YTHDC2: variants seen among roughly 807,000 people sequenced by gnomAD.
YTHDC2 encodes the protein YTH N6-methyladenosine RNA binding protein C2.
In YTHDC2, 45 loss-of-function variants were observed where a neutral mutation model predicts 174.9. The ratio of observed to expected loss-of-function variants is 0.26; its 90% CI spans 0.20 to 0.33. The LOEUF is 0.33. Among genes scored for constraint, YTHDC2 ranks in the 10% least tolerant of loss-of-function variants. The pLI is 1.00. For synonymous variants in YTHDC2, 657 were observed against 574.5 expected, an observed-to-expected ratio of 1.14 and a Z score of -2.05; for missense variants, 1,650 against 1,723.7, an observed-to-expected ratio of 0.96 and a Z score of 0.76.
chr5:113,533,337 GTTC>G (rs551375446), intron 5 of YTHDC2, among the ~76,000 whole-genome samples: 4,723 of 152,008 alleles, frequency 0.031, 89 homozygotes, highest in African/African-American at 0.053. Context: ...GCGGTCAGGA[GTTC>G]GAGACCAGCC....
At chr5:113,553,904 T>G in intron 15 of YTHDC2, 38 bp from the exon 16 acceptor site, 1 of 1,583,146 alleles carries the variant, frequency 6.3e-7, no homozygotes, top group Non-Finnish European at 8.5e-7. Flanking sequence ...TTATTTTTTC[T>G]GTTTTTTTAT....
chr5:113,516,440 T>C (rs765620453), intron 2 of YTHDC2, among the ~76,000 whole-genome samples: 5 of 152,218 alleles, frequency 3.3e-5, no homozygotes, highest in Non-Finnish European at 7.3e-5. Context: ...TGTGGCGCTA[T>C]TTCATTTTGT....
At chr5:113,540,854 G>A in intron 8 of YTHDC2, 114 bp from the exon 9 acceptor site, 1 of 1,008,218 alleles carries the variant, frequency 9.9e-7, no homozygotes, top group Non-Finnish European at 1.4e-6. Context: ...AGTAACTACA[G>A]AATAAGACCA....
chr5:113,530,789 T>C (rs988132127), intron 4 of YTHDC2, among the ~76,000 whole-genome samples: 1 of 152,186 alleles, frequency 6.6e-6, no homozygotes, highest in African/African-American at 2.4e-5. Context: ...TCTTTCATTA[T>C]GAAGATTCAA....
chr5:113,551,492 T>A (rs1405672798), intron 12 of YTHDC2, among the ~76,000 whole-genome samples: 1 of 152,156 alleles, frequency 6.6e-6, no homozygotes. Context: ...TTCATTTATG[T>A]GTTAAAAATT....
chr5:113,525,781 C>T (rs1774180918), intron 3 of YTHDC2, among the ~76,000 whole-genome samples: 1 of 151,944 alleles, frequency 6.6e-6, no homozygotes, highest in South Asian at 2.1e-4. Context: ...GATCACTTCC[C>T]TATTAAGAAA....
intron 12 of YTHDC2, among the ~76,000 whole-genome samples, chr5:113,552,853 C>T (rs1308755848): frequency 3.3e-5 from 5 of 152,020 alleles, no homozygotes; most frequent in African/African-American, 1.2e-4. Flanking sequence ...TTGTAGTCAT[C>T]CTAGTTGGTG....
rs758163059 is a variant in YTHDC2, at chr5:113,513,901, C to T, written c.6C>T (p.Ser2=). 8 of 1,603,398 alleles carry T rather than the reference C, an allele frequency of 5.0e-6. No individual in the cohort carries two copies. The Admixed American group carries it at 5.0e-5, about 10-fold the overall frequency. The change falls in exon 1 of 30, where the codon TCC becomes TCT. Residue 2 remains serine, a synonymous_variant. Transcript: ENST00000161863. M[S]RPSSVSPRQP... ...GAGACCATCTCTTCAGGGCAATGTC[C>T]AGGCCGAGCAGCGTCTCCCCGCGGC...
At chr5:113,556,382 C>A in intron 17 of YTHDC2, 1 of 277,318 alleles carries the variant, frequency 3.6e-6, no homozygotes, top group Non-Finnish European at 6.7e-6. Context: ...AAAACAAAAC[C>A]AAAAATTCTA....
intron 12 of YTHDC2, among the ~76,000 whole-genome samples, chr5:113,549,227 A>G (rs1007657468): frequency 6.6e-6 from 1 of 152,180 alleles, no homozygotes; most frequent in Non-Finnish European, 1.5e-5. Context: ...TTCCAATTAA[A>G]CATGGTAGGT....
intron 6 of YTHDC2, among the ~76,000 whole-genome samples, chr5:113,535,055 T>A (rs1774959478): frequency 6.6e-6 from 1 of 152,196 alleles, no homozygotes; most frequent in Admixed American, 6.5e-5. Context: ...CACATTAAAT[T>A]GGACTTTACT....
chr5:113,555,147 T>C (rs999916858), intron 16 of YTHDC2, among the ~76,000 whole-genome samples: 1 of 152,014 alleles, frequency 6.6e-6, no homozygotes, highest in South Asian at 2.1e-4. Flanking sequence ...GCCCTAAAAT[T>C]ACCTAAAGTG....
rs151122590 is a variant in YTHDC2 at position 113,559,520 on chromosome 5, G to A, written c.2217-1560G>A. Among the ~76,000 whole-genome samples the A allele has an allele frequency of 1.5e-4, 23 of 152,290 alleles. No homozygotes were observed. The East Asian group carries it at 2.1e-3, about 14-fold the overall frequency. On this transcript the variant is annotated intron_variant, in intron 17 of 29. Coordinates refer to ENST00000161863, the MANE Select transcript of YTHDC2 (RefSeq NM_022828.5). ...GTTAAAGATAAAGCCCATAGCACCA[G>A]ACTGTCCATGTCAATTTGTGAGGAA...
rs947242093 is a variant in YTHDC2 at position 113,567,943 on chromosome 5, A to G, written c.3244+94A>G. The G allele has an allele frequency of 4.0e-6, 4 of 994,092 alleles. No individual in the cohort carries two copies. The East Asian group carries it at 1.1e-4, about 28-fold the overall frequency. 61.6% of individuals were successfully genotyped at this position (994,092 alleles called of 1,614,324 possible). Reference sequence around the variant, plus strand: ...TTTTACTAAACCAAATAATGAAATTATAAAGATTTATATAGTAGCAGCTCT... The same window carrying G: ...TTTTACTAAACCAAATAATGAAATTGTAAAGATTTATATAGTAGCAGCTCT... On this transcript the variant is annotated intron_variant, in intron 23 of 29. Coordinates refer to ENST00000161863, the MANE Select transcript of YTHDC2 (RefSeq NM_022828.5).
chr5:113,560,718 G>A (rs923433067), intron 17 of YTHDC2, among the ~76,000 whole-genome samples: 1 of 152,160 alleles, frequency 6.6e-6, no homozygotes, highest in Non-Finnish European at 1.5e-5. Flanking sequence ...TAATCACTGG[G>A]CCTGAACACA....
rs769514903 is a variant in YTHDC2, at chr5:113,532,872, G to T, written c.676-7G>T. The T allele has an allele frequency of 1.3e-6, 2 of 1,596,164 alleles. No homozygotes were observed. ...TCATCTTACAGTTTTTAAAACTTTT[G>T]TTTCAGATTCCTCAGTTCCTTTTAG... On this transcript the variant is annotated splice_region_variant and splice_polypyrimidine_tract_variant and intron_variant, in intron 4 of 29. Transcript: ENST00000161863.
intron 19 of YTHDC2, 86 bp downstream of exon 19, chr5:113,563,578 T>A: frequency 2.1e-6 from 3 of 1,407,218 alleles, no homozygotes; most frequent in Non-Finnish European, 2.9e-6. Flanking sequence ...TAATTTTGTA[T>A]AATTATTTTT....
At chr5:113,533,586 A>G (rs545337218) in intron 5 of YTHDC2, among the ~76,000 whole-genome samples, 1 of 152,014 alleles carries the variant, frequency 6.6e-6, no homozygotes. Flanking sequence ...TTTCATGATC[A>G]TAGTTATTTT....
chr5:113,555,295 C>T (rs1378069935), intron 16 of YTHDC2, among the ~76,000 whole-genome samples: 1 of 151,418 alleles, frequency 6.6e-6, no homozygotes, highest in Non-Finnish European at 1.5e-5. Flanking sequence ...TATTAAAAAC[C>T]AAATAAGCTG....
Sources: allele counts gnomAD v4.1 joint callset (sites outside exome capture counted in the v4.1 genomes callset), GRCh38; gene constraint gnomAD v4.1.1; transcripts MANE v1.5; gene names NCBI Gene and HGNC (gene_info 2026-07-23, HGNC 2026-07-21).